Variants in CCDC33 observed in about 807,000 individuals in gnomAD.
CCDC33 encodes the protein coiled-coil domain containing 33.
CCDC33 carries 94 observed loss-of-function variants against 91.9 expected under a neutral mutation model. The observed-to-expected ratio is 1.02, with a 90% CI of 0.87 to 1.21. The LOEUF (loss-of-function observed/expected upper bound fraction) is 1.21, where lower values mean the gene tolerates loss of function less well. CCDC33 is among the 50% of genes most tolerant of loss of function. The pLI is 0.00. For synonymous variants in CCDC33, 396 were observed against 374.5 expected (o/e 1.06, Z -0.66); for missense variants, 940 against 935.5 (o/e 1.00, Z -0.06).
At chr15:74,282,491 C>T (rs1012273319) in intron 10 of CCDC33, among the ~76,000 whole-genome samples, 1 of 152,202 alleles carries the variant, frequency 6.6e-6, no homozygotes, top group African/African-American at 2.4e-5. Context: ...ACTCTGACTT[C>T]CTCTTCTGTC....
At chr15:74,306,110 TCCCTCTGACC>T (rs2059889688) in intron 11 of CCDC33, among the ~76,000 whole-genome samples, 1 of 152,106 alleles carries the variant, frequency 6.6e-6, no homozygotes, top group African/African-American at 2.4e-5. Flanking sequence ...CCCAGGCCTC[TCCCTCTGACC>T]CCCTCTCCAG....
chr15:74,237,246 C>A (rs1007466055), intron 1 of CCDC33, among the ~76,000 whole-genome samples: 10 of 152,262 alleles, frequency 6.6e-5, no homozygotes, highest in African/African-American at 2.4e-4. Context: ...GTATCCCCAG[C>A]ACTCAGAACA....
At chr15:74,223,774 GCACA>G (rs34461827) in intron 2 of CCDC33, among the ~76,000 whole-genome samples, 125 of 145,528 alleles carry the variant, frequency 8.6e-4, no homozygotes, top group Admixed American at 4.0e-3. Context: ...ACGCAAGCAT[GCACA>G]CACACACACA....
chr15:74,214,387 C>G (rs985187594), upstream of CCDC33, among the ~76,000 whole-genome samples: 3 of 152,094 alleles, frequency 2.0e-5, no homozygotes, highest in Admixed American at 6.5e-5. Flanking sequence ...CATCCCTTAC[C>G]CCTTCTTGAA....
At chr15:74,335,162 C>T (rs1262613617) in intron 18 of CCDC33, 74 bp downstream of exon 18, 3 of 1,185,740 alleles carry the variant, frequency 2.5e-6, no homozygotes, top group Admixed American at 1.7e-5. Flanking sequence ...CCCAAAGTCA[C>T]TGGGCCCTGA....
chr15:74,298,557 G>A (rs1254555155), intron 11 of CCDC33, among the ~76,000 whole-genome samples: 2 of 151,976 alleles, frequency 1.3e-5, no homozygotes, highest in Non-Finnish European at 2.9e-5. Context: ...GTTTGTTTTC[G>A]AGATGGAGTT....
intron 1 of CCDC33, chr15:74,203,323 C>G: frequency 1.8e-5 from 8 of 448,220 alleles, no homozygotes; most frequent in Non-Finnish European, 2.4e-5. Flanking sequence ...CCCCGCCTGC[C>G]TCCTGCTCCT....
In CCDC33 at chr15:74,271,785, A is replaced by C. The variant is rs755276757; in HGVS notation, c.629A>C (p.Lys210Thr). The C allele has an allele frequency of 6.2e-7, 1 of 1,613,728 alleles. No individual in the cohort carries two copies. Among genetic ancestry groups the C allele is most frequent in the Non-Finnish European group, 8.5e-7 (1 of 1,179,712 alleles). The change falls in exon 6 of 19, where the codon AAG becomes ACG. Residue 210 changes from lysine (K) to threonine (T), a missense_variant. By Grantham distance (78) the Lys-to-Thr change is moderately conservative. Coordinates refer to ENST00000398814, the MANE Select transcript of CCDC33 (RefSeq NM_025055.5). ...VVIARVVPNY[K>T]EFKVSQANRD... ...ATTGCCCGGGTCGTTCCCAACTACAAGGAATTTAAGTGAGTGGGGCCCAGG... is the reference window on the plus strand; with the variant it reads ...ATTGCCCGGGTCGTTCCCAACTACACGGAATTTAAGTGAGTGGGGCCCAGG...
At chr15:74,216,026 G>T (rs1193819655), upstream of CCDC33, among the ~76,000 whole-genome samples, 1 of 152,190 alleles carries the variant, frequency 6.6e-6, no homozygotes, top group East Asian at 1.9e-4. Context: ...AGGGGATGGG[G>T]CCAGGATACG....
intron 11 of CCDC33, among the ~76,000 whole-genome samples, chr15:74,325,902 C>G (rs1377825692): frequency 2.0e-5 from 3 of 152,162 alleles, no homozygotes; most frequent in Non-Finnish European, 4.4e-5. Context: ...CTCCCCACTC[C>G]CAGCATAAAA....
intron 2 of CCDC33, among the ~76,000 whole-genome samples, chr15:74,222,435 C>T (rs560580058): frequency 1.5e-3 from 225 of 152,010 alleles, no homozygotes; most frequent in African/African-American, 5.3e-3. Context: ...GCATTTACCT[C>T]TTCCCAACAA....
intron 11 of CCDC33, among the ~76,000 whole-genome samples, chr15:74,297,321 T>C (rs2059708262): frequency 6.6e-6 from 1 of 152,146 alleles, no homozygotes; most frequent in Admixed American, 6.5e-5. Flanking sequence ...TGGGGCAGCA[T>C]GAATAAACCA....
intron 1 of CCDC33, among the ~76,000 whole-genome samples, chr15:74,242,690 G>A (rs984041337): frequency 3.4e-4 from 51 of 152,134 alleles, no homozygotes; most frequent in African/African-American, 1.2e-3. Flanking sequence ...AGATTAACTG[G>A]AAGTGGTGAG....
At position 74,243,552 on chromosome 15, in the gene CCDC33, C is replaced by T. The variant is rs372195123; in HGVS notation, c.22-433C>T. ...AAGTAGGGAGAAAATGGGGCCAAGG[C>T]GACTGCCTTGCAGAGTGGGCGGAAG... On this transcript the variant is annotated intron_variant, in intron 1 of 18. Coordinates refer to ENST00000398814, the MANE Select transcript of CCDC33 (RefSeq NM_025055.5). Among the ~76,000 whole-genome samples, 241 of 152,244 alleles carry T rather than the reference C, an allele frequency of 1.6e-3. 2 individuals carry two copies. The highest frequency in any genetic ancestry group is 5.5e-3 in the African/African-American group (229 of 41,550).
chr15:74,283,062 T>A (rs2059399670), intron 10 of CCDC33, among the ~76,000 whole-genome samples: 1 of 152,138 alleles, frequency 6.6e-6, no homozygotes, highest in South Asian at 2.1e-4. Context: ...GTGTGGGGTA[T>A]GAGGAGTATA....
chr15:74,205,855 C>T lies in CCDC33; in HGVS notation n.89+2757C>T, dbSNP rs79049556. Among the ~76,000 whole-genome samples the T allele has an allele frequency of 8.1e-3, 1,238 of 152,316 alleles. 15 individuals carry two copies. Among genetic ancestry groups the T allele is most frequent in the African/African-American group, 0.028 (1,183 of 41,572 alleles). ...GCAGAGGGGAGGAAATGGTGAGCTT[C>T]GTCCTTTTCCCCTGGTGGGGGCCTA... On this transcript the variant is annotated intron_variant and non_coding_transcript_variant, in intron 1 of 3. Coordinates refer to the CCDC33 transcript ENST00000558645.
At chr15:74,317,219 G>A (rs1285457881) in intron 11 of CCDC33, among the ~76,000 whole-genome samples, 1 of 152,118 alleles carries the variant, frequency 6.6e-6, no homozygotes, top group East Asian at 1.9e-4. Flanking sequence ...AAATTAGCCA[G>A]GCATGGTGGC....
rs1341637666 is a variant in CCDC33, at chr15:74,243,979, C to T, written c.22-6C>T. 1.2e-6 allele frequency: 2 copies of T among 1,605,828 alleles called. No individual in the cohort carries two copies. Among genetic ancestry groups the T allele is most frequent in the East Asian group, 2.2e-5 (1 of 44,840 alleles). On this transcript the variant is annotated splice_polypyrimidine_tract_variant and splice_region_variant and intron_variant, in intron 1 of 18. Transcript: ENST00000398814. Reference sequence around the variant, plus strand: ...AAAAAACACTCAGCCCTGGCTCTCCCCACAGAACACTGAAGACCCAGAGGA... The same window carrying T: ...AAAAAACACTCAGCCCTGGCTCTCCTCACAGAACACTGAAGACCCAGAGGA...
intron 1 of CCDC33, chr15:74,209,114 C>A (rs1395007212): frequency 7.6e-7 from 1 of 1,320,064 alleles, no homozygotes; most frequent in South Asian, 2.0e-5. Flanking sequence ...CCCTTGATTC[C>A]GGGATCAGAG....
Sources: gnomAD v4.1 joint callset for allele counts (sites outside exome capture counted in the v4.1 genomes callset) on GRCh38, gnomAD v4.1.1 for gene constraint, MANE v1.5 for transcripts, NCBI Gene and HGNC (gene_info 2026-07-23, HGNC 2026-07-21) for gene names.